The following EYS variants were observed in gnomAD, a reference collection of about 807,000 sequenced individuals.
EYS encodes EGF-like photoreceptor maintenance factor.
EYS carries 250 observed loss-of-function variants against 282.1 expected under a neutral mutation model. That is an observed-to-expected ratio of 0.89 (90% CI 0.80 to 0.98). The LOEUF is 0.98. EYS is among the 50% of genes least tolerant of loss of function. The probability of loss-of-function intolerance (pLI) is 0.00; values close to 1 mark genes in which losing one functional copy is unlikely to be tolerated. For synonymous variants in EYS, 1,355 were observed against 1,282.9 expected (o/e 1.06, Z -1.20); for missense variants, 4,016 against 3,709.0 (o/e 1.08, Z -2.15).
chr6:63,822,457 A>G (rs1273017488), intron 36 of EYS: 1 of 152,202 alleles, frequency 6.6e-6, no homozygotes, highest in Non-Finnish European at 1.5e-5. Context: ...CCTATCATAT[A>G]AAAATGGAAA....
At chr6:64,787,647 C>T (rs1484313187) in intron 22 of EYS, among the ~76,000 whole-genome samples, 1 of 150,618 alleles carries the variant, frequency 6.6e-6, no homozygotes, top group Admixed American at 6.6e-5. Flanking sequence ...CCTGTTATCT[C>T]TTTCTGAAAT....
At chr6:65,621,233 G>T (rs950152983) in intron 2 of EYS, among the ~76,000 whole-genome samples, 1 of 152,132 alleles carries the variant, frequency 6.6e-6, no homozygotes, top group African/African-American at 2.4e-5. Context: ...GAAACTTGGT[G>T]CTCCTGTATT....
intron 37 of EYS, among the ~76,000 whole-genome samples, chr6:63,798,916 G>C (rs934915533): frequency 1.4e-5 from 2 of 142,504 alleles, no homozygotes; most frequent in Non-Finnish European, 3.0e-5. Flanking sequence ...CAAATTTCCA[G>C]GAAGTCAAAT....
chr6:65,218,582 G>T (rs941577541), intron 12 of EYS, among the ~76,000 whole-genome samples: 4 of 152,054 alleles, frequency 2.6e-5, no homozygotes, highest in Non-Finnish European at 4.4e-5. Context: ...GTCATGAGAA[G>T]AGCATACTCT....
chr6:65,623,237 A>G (rs1282107057), intron 2 of EYS, among the ~76,000 whole-genome samples: 1 of 152,062 alleles, frequency 6.6e-6, no homozygotes, highest in Non-Finnish European at 1.5e-5. Context: ...CTCAATCTCC[A>G]TTTTTCATAG....
At chr6:65,369,131 T>TGG (rs1765027538) in intron 8 of EYS, among the ~76,000 whole-genome samples, 1 of 150,352 alleles carries the variant, frequency 6.7e-6, no homozygotes, top group African/African-American at 2.4e-5. Context: ...TGACTAATAA[T>TGG]ATACATAGAG....
intron 41 of EYS, among the ~76,000 whole-genome samples, chr6:63,727,706 CAAAAAAAAAA>C (rs1169878020): frequency 0.024 from 230 of 9,520 alleles, 15 homozygotes; most frequent in African/African-American, 0.12. Context: ...CACCATCTCT[CAAAAAAAAAA>C]AAAAAAAAAA....
At chr6:63,754,307 A>C (rs2149650464) in intron 41 of EYS, among the ~76,000 whole-genome samples, 1 of 152,076 alleles carries the variant, frequency 6.6e-6, no homozygotes, top group East Asian at 1.9e-4. Context: ...CTTGTCGTTT[A>C]CATTAGGTAT....
intron 41 of EYS, among the ~76,000 whole-genome samples, chr6:63,729,421 A>G (rs1448405553): frequency 4.0e-5 from 6 of 151,710 alleles, no homozygotes; most frequent in African/African-American, 1.2e-4. Flanking sequence ...ATTTTCTCTT[A>G]TATTTTCTTC....
chr6:64,630,547 T>G (rs1767746017), intron 22 of EYS, among the ~76,000 whole-genome samples: 1 of 152,218 alleles, frequency 6.6e-6, no homozygotes, highest in Non-Finnish European at 1.5e-5. Context: ...TGATAATGAT[T>G]GATACAGTCA....
chr6:65,493,809 G>T (rs1347889955), intron 4 of EYS, among the ~76,000 whole-genome samples: 1 of 151,608 alleles, frequency 6.6e-6, no homozygotes, highest in African/African-American at 2.4e-5. Context: ...TTCCATCCTT[G>T]TCACTATCAG....
chr6:65,692,368 T>TATA (rs1246693442), intron 1 of EYS, among the ~76,000 whole-genome samples: 1 of 150,098 alleles, frequency 6.7e-6, no homozygotes, highest in Non-Finnish European at 1.5e-5. Flanking sequence ...AATATAGCCA[T>TATA]ATAATAATAC....
intron 36 of EYS, among the ~76,000 whole-genome samples, chr6:63,859,003 C>G (rs1562063716): frequency 6.7e-6 from 1 of 148,600 alleles, no homozygotes; most frequent in Non-Finnish European, 1.5e-5. Context: ...TCTTTAATCA[C>G]TGCAGAGTGT....
chr6:64,852,944 A>G (rs2146755), intron 19 of EYS, among the ~76,000 whole-genome samples: 107,951 of 152,014 alleles, frequency 0.71, 38,720 homozygotes, highest in Admixed American at 0.76. Flanking sequence ...TTTCTGGTAC[A>G]TGGTTACAAC....
chr6:65,270,143 T>C (rs1157652731), intron 12 of EYS, among the ~76,000 whole-genome samples: 1 of 152,162 alleles, frequency 6.6e-6, no homozygotes, highest in Non-Finnish European at 1.5e-5. Flanking sequence ...ACAAATTGTG[T>C]GCATCCAAGC....
At chr6:64,416,191 T>C (rs1005946696) in intron 28 of EYS, among the ~76,000 whole-genome samples, 1 of 152,164 alleles carries the variant, frequency 6.6e-6, no homozygotes, top group Non-Finnish European at 1.5e-5. Flanking sequence ...AATCATAGCC[T>C]GGCTCAGTTC....
chr6:64,758,215 G>A (rs1481200730), intron 22 of EYS, among the ~76,000 whole-genome samples: 2 of 152,068 alleles, frequency 1.3e-5, no homozygotes, highest in African/African-American at 2.4e-5. Flanking sequence ...CCCTTTGGAA[G>A]CCTGGACATT....
chr6:64,030,315 C>A (rs1246573625), intron 33 of EYS, among the ~76,000 whole-genome samples: 1 of 152,144 alleles, frequency 6.6e-6, no homozygotes, highest in Non-Finnish European at 1.5e-5. Context: ...CCTTTAAAAG[C>A]CAGGGTAAAT....
At chr6:64,810,141 T>C (rs1158080774) in intron 22 of EYS, among the ~76,000 whole-genome samples, 2 of 152,012 alleles carry the variant, frequency 1.3e-5, no homozygotes, top group Non-Finnish European at 2.9e-5. Flanking sequence ...ATTTTAAAAA[T>C]TCCCCTGACT....
Sources: gnomAD v4.1 joint callset for allele counts (sites outside exome capture counted in the v4.1 genomes callset) on GRCh38, gnomAD v4.1.1 for gene constraint, MANE v1.5 for transcripts, NCBI Gene and HGNC (gene_info 2026-07-23, HGNC 2026-07-21) for gene names.